Variants in NTN1 observed in about 807,000 individuals in gnomAD.
NTN1 encodes the protein netrin-1.
Under a neutral mutation model 54.2 loss-of-function variants are expected in NTN1, and 11 were observed. The ratio of observed to expected loss-of-function variants is 0.20; its 90% CI spans 0.13 to 0.34. The LOEUF (loss-of-function observed/expected upper bound fraction) is 0.34, where lower values mean the gene tolerates loss of function less well. NTN1 is among the 10% of genes least tolerant of loss of function. NTN1 has a pLI of 1.00. For synonymous variants in NTN1, 371 were observed against 382.0 expected, an observed-to-expected ratio of 0.97 and a Z score of 0.33; for missense variants, 740 against 893.1, an observed-to-expected ratio of 0.83 and a Z score of 2.18.
At chr17:9,088,379 C>T (rs1288575883) in intron 2 of NTN1, among the ~76,000 whole-genome samples, 2 of 152,198 alleles carry the variant, frequency 1.3e-5, no homozygotes, top group Non-Finnish European at 2.9e-5. Context: ...ATTACCAGCT[C>T]ACTGGGTAGG....
intron 2 of NTN1, among the ~76,000 whole-genome samples, chr17:9,103,324 T>C (rs2092156257): frequency 1.3e-5 from 2 of 152,152 alleles, no homozygotes; most frequent in Admixed American, 1.3e-4. Flanking sequence ...TGTGATATGG[T>C]TTGGCTGTGT....
chr17:9,045,371 A>C (rs1195692325), intron 2 of NTN1, among the ~76,000 whole-genome samples: 3 of 152,136 alleles, frequency 2.0e-5, no homozygotes, highest in Admixed American at 1.3e-4. Context: ...TATGACCCCA[A>C]ATGGCTTGGT....
chr17:9,155,365 G>A (rs2092338491), intron 2 of NTN1, among the ~76,000 whole-genome samples: 1 of 139,936 alleles, frequency 7.1e-6, no homozygotes, highest in Admixed American at 7.4e-5. Flanking sequence ...TTTTTGAGAC[G>A]AGTTTTGCTC....
intron 2 of NTN1, among the ~76,000 whole-genome samples, chr17:9,058,996 A>G (rs1051871239): frequency 2.0e-5 from 3 of 152,212 alleles, no homozygotes; most frequent in African/African-American, 7.2e-5. Flanking sequence ...TCCTTTCAAC[A>G]ATGGAGATAA....
chr17:9,056,447 C>A (rs1279964634), intron 2 of NTN1, among the ~76,000 whole-genome samples: 1 of 152,150 alleles, frequency 6.6e-6, no homozygotes, highest in African/African-American at 2.4e-5. Flanking sequence ...TATGGGAAGC[C>A]ATGAGAGAAT....
At chr17:9,096,409 C>T (rs1433028659) in intron 2 of NTN1, among the ~76,000 whole-genome samples, 47 of 116,726 alleles carry the variant, frequency 4.0e-4, no homozygotes, top group African/African-American at 1.3e-3. Context: ...CTTGCTCTGT[C>T]GCCCAGGCTG....
At chr17:9,193,489 A>G (rs185598633) in intron 5 of NTN1, among the ~76,000 whole-genome samples, 85 of 152,340 alleles carry the variant, frequency 5.6e-4, no homozygotes, top group South Asian at 1.2e-3. Flanking sequence ...AAAACTGAGA[A>G]CATCTCAATG....
intron 2 of NTN1, among the ~76,000 whole-genome samples, chr17:9,125,168 C>G (rs1411117168): frequency 6.6e-6 from 1 of 151,444 alleles, no homozygotes; most frequent in East Asian, 1.9e-4. Flanking sequence ...CTCAAGCAGT[C>G]CTCCCACCCC....
intron 5 of NTN1, among the ~76,000 whole-genome samples, chr17:9,218,675 G>A (rs1016385081): frequency 6.6e-6 from 1 of 152,092 alleles, no homozygotes; most frequent in Non-Finnish European, 1.5e-5. Flanking sequence ...TACCTTGGGC[G>A]GGCTGCTCTG....
At chr17:9,088,223 C>G (rs2092095954) in intron 2 of NTN1, among the ~76,000 whole-genome samples, 1 of 152,176 alleles carries the variant, frequency 6.6e-6, no homozygotes, top group Admixed American at 6.5e-5. Context: ...CTGTGGGTGC[C>G]CAGTGGGTGT....
Position 9,027,616 on chromosome 17 carries a change from G to A in NTN1, c.1018+4225G>A, listed in dbSNP as rs112916972. ...CTATTGCTTCTTGCTAGAACTGGGC[G>A]TGGTTCCCTGGTTGTGTTGCATTAT... is the stretch of plus-strand genomic sequence containing the variant. On this transcript the variant is annotated intron_variant, in intron 2 of 6. Coordinates refer to ENST00000173229, the MANE Select transcript of NTN1 (RefSeq NM_004822.3). Among the ~76,000 whole-genome samples, 952 of 152,256 alleles carry A rather than the reference G, an allele frequency of 6.3e-3. 10 individuals carry two copies. Among genetic ancestry groups the A allele is most frequent in the Non-Finnish European group, 7.4e-3 (504 of 68,018 alleles).
Position 9,023,271 on chromosome 17 carries a change from G to C in NTN1, c.898G>C (p.Asp300His). 1 of 1,559,814 alleles carries C rather than the reference G, an allele frequency of 6.4e-7. No homozygotes were observed. Among genetic ancestry groups the C allele is most frequent in the East Asian group, 2.4e-5 (1 of 41,778 alleles). The change falls in exon 2 of 7, where the codon GAC becomes CAC. Residue 300 changes from aspartate (D) to histidine (H), a missense_variant. Coordinates refer to ENST00000173229, the MANE Select transcript of NTN1 (RefSeq NM_004822.3). ...HAARCVRDRD[D>H]SLVCDCRHNT... ...GGCCCGCTGCGTGCGCGACCGCGAC[G>C]ACAGCCTGGTGTGCGACTGCAGGCA... is the stretch of plus-strand genomic sequence containing the variant.
chr17:9,092,369 C>A (rs2092114386), intron 2 of NTN1, among the ~76,000 whole-genome samples: 2 of 139,932 alleles, frequency 1.4e-5, no homozygotes, highest in South Asian at 4.6e-4. Flanking sequence ...CCATCTGCAA[C>A]CTCTCCCTCC....
intron 2 of NTN1, among the ~76,000 whole-genome samples, chr17:9,147,409 G>A (rs142235752): frequency 0.053 from 8,003 of 152,284 alleles, 277 homozygotes; most frequent in Middle Eastern, 0.078. Flanking sequence ...CAGCTACTAG[G>A]GAGGCTGAGG....
intron 2 of NTN1, among the ~76,000 whole-genome samples, chr17:9,114,519 G>A (rs754411438): frequency 5.3e-5 from 8 of 151,508 alleles, no homozygotes; most frequent in Non-Finnish European, 1.0e-4. Flanking sequence ...TTGGGAGGCC[G>A]AGGCAGGCAG....
At chr17:9,122,070 T>C (rs1240314271) in intron 2 of NTN1, among the ~76,000 whole-genome samples, 3 of 150,772 alleles carry the variant, frequency 2.0e-5, no homozygotes, top group East Asian at 3.9e-4. Context: ...CGGAGTCTCG[T>C]TCTGTCGCCC....
At chr17:9,119,044 C>T (rs756358062) in intron 2 of NTN1, among the ~76,000 whole-genome samples, 1 of 152,194 alleles carries the variant, frequency 6.6e-6, no homozygotes, top group African/African-American at 2.4e-5. Context: ...CTTTGTTTAA[C>T]TTTCTGAGGA....
intron 2 of NTN1, among the ~76,000 whole-genome samples, chr17:9,066,697 A>G (rs901488412): frequency 2.0e-5 from 3 of 152,004 alleles, no homozygotes; most frequent in African/African-American, 4.8e-5. Context: ...TTAGTAAGCA[A>G]TATTACAAAT....
chr17:9,016,093 A>G, the NTN1 span, among the ~76,000 whole-genome samples: 1 of 151,956 alleles, frequency 6.6e-6, no homozygotes, highest in African/African-American at 2.4e-5. Context: ...GCAAAAACAA[A>G]AAAACCCCCA....
Sources: allele counts gnomAD v4.1 joint callset (sites outside exome capture counted in the v4.1 genomes callset), GRCh38; gene constraint gnomAD v4.1.1; transcripts MANE v1.5; gene names NCBI Gene and HGNC (gene_info 2026-07-23, HGNC 2026-07-21).